TBX1: variants seen among roughly 807,000 people sequenced by gnomAD.
The protein encoded by TBX1 is T-box transcription factor 1, also known as T-box transcription factor TBX1.
TBX1 carries 16 observed loss-of-function variants against 40.8 expected under a neutral mutation model. That is an observed-to-expected ratio of 0.39 (90% CI 0.27 to 0.60). The LOEUF is 0.60. Among genes scored for constraint, TBX1 ranks in the 20% least tolerant of loss-of-function variants. The pLI is 0.51. For missense variants in TBX1, 755 were observed against 728.5 expected (o/e 1.04, Z -0.42); for synonymous variants, 403 against 336.8 (o/e 1.20, Z -2.15).
chr22:19,761,358 G>A (rs535470445), intron 1 of TBX1, 78 bp downstream of exon 1: 13 of 1,395,512 alleles, frequency 9.3e-6, no homozygotes, highest in Middle Eastern at 2.8e-4. Flanking sequence ...TGATCCGCGC[G>A]AGCGGGGCCG....
chr22:19,758,162 G>A (rs957334858), upstream of TBX1, among the ~76,000 whole-genome samples: 1 of 152,196 alleles, frequency 6.6e-6, no homozygotes, highest in Non-Finnish European at 1.5e-5. Flanking sequence ...CCAGCCCAGG[G>A]TCTGAGGTCC....
rs192025610 is a variant in TBX1, at chr22:19,776,320, C to T, written c.1010-2900C>T. ...GCTCCTCAGGAGGAAGACGTGTGGC[C>T]CCTTGCTCCAGGAAGGCCCAGTCCT... On this transcript the variant is annotated intron_variant, in intron 8 of 8. Coordinates refer to the TBX1 transcript ENST00000329705. 8.9e-4 allele frequency among the ~76,000 whole-genome samples: 136 copies of T among 152,246 alleles called. 1 individual carries two copies. The highest frequency in any genetic ancestry group is 3.2e-3 in the African/African-American group (131 of 41,538).
Position 19,764,940 on chromosome 22 carries a change from C to G in TBX1, c.712-18C>G. ...CCCAGCCCCACCGCTGGAGCTGATT[C>G]CCCACCTTGTCTTCCAGATTATTCT... On this transcript the variant is annotated intron_variant, in intron 3 of 6. Transcript: ENST00000649276. 1 of 1,613,876 alleles carries G rather than the reference C, an allele frequency of 6.2e-7. No homozygotes were observed.
At chr22:19,768,953 CTTTTTTTTTTTTTT>C (rs36085623), downstream of TBX1, among the ~76,000 whole-genome samples, 8 of 66,108 alleles carry the variant, frequency 1.2e-4, no homozygotes, top group African/African-American at 2.5e-4. Flanking sequence ...TGTTCGCATT[CTTTTTTTTTTTTTT>C]TTTTTTTTTT....
At chr22:19,778,112 G>T (rs1326138194) in intron 8 of TBX1, among the ~76,000 whole-genome samples, 1 of 151,812 alleles carries the variant, frequency 6.6e-6, no homozygotes, top group African/African-American at 2.4e-5. Flanking sequence ...CATTTCAAGA[G>T]ACAGGATCTT....
chr22:19,761,345 G>T (rs952550893), intron 1 of TBX1, 65 bp downstream of exon 1: 9 of 1,452,142 alleles, frequency 6.2e-6, no homozygotes, highest in South Asian at 1.3e-5. Context: ...GCGGGCCTCC[G>T]CCTGATCCGC....
chr22:19,771,470 A>G (rs977470444), downstream of TBX1, among the ~76,000 whole-genome samples: 1 of 152,260 alleles, frequency 6.6e-6, no homozygotes, highest in Non-Finnish European at 1.5e-5. Flanking sequence ...ATATTTTGCT[A>G]AAACCAGCCC....
At chr22:19,759,130 C>T (rs761260656), upstream of TBX1, among the ~76,000 whole-genome samples, 6 of 152,196 alleles carry the variant, frequency 3.9e-5, no homozygotes, top group African/African-American at 9.6e-5. Context: ...GACACCTCTC[C>T]TCGGGGGGCT....
chr22:19,758,613 G>A (rs1035932024), upstream of TBX1, among the ~76,000 whole-genome samples: 15 of 152,194 alleles, frequency 9.9e-5, no homozygotes, highest in Non-Finnish European at 8.8e-5. Flanking sequence ...CCAGTGGCCT[G>A]AAGTTCTCCA....
At chr22:19,757,288 G>T (rs1206167819), upstream of TBX1, among the ~76,000 whole-genome samples, 1 of 152,180 alleles carries the variant, frequency 6.6e-6, no homozygotes, top group Non-Finnish European at 1.5e-5. Flanking sequence ...CCTGCCTGCA[G>T]GTCCTGCTCA....
upstream of TBX1, among the ~76,000 whole-genome samples, chr22:19,758,437 G>A (rs1391672619): frequency 6.6e-6 from 1 of 152,218 alleles, no homozygotes; most frequent in African/African-American, 2.4e-5. Flanking sequence ...GGAGACAGTA[G>A]GTGGGGAAAC....
upstream of TBX1, among the ~76,000 whole-genome samples, chr22:19,758,459 G>A (rs1569015562): frequency 6.6e-6 from 1 of 152,238 alleles, no homozygotes; most frequent in Non-Finnish European, 1.5e-5. Flanking sequence ...CACAGGCCAA[G>A]TCAGGCCTTG....
intron 8 of TBX1, among the ~76,000 whole-genome samples, chr22:19,779,016 G>T (rs1017054433): frequency 1.3e-5 from 2 of 152,218 alleles, no homozygotes; most frequent in African/African-American, 4.8e-5. Flanking sequence ...CCTGTGCTGG[G>T]CTGAGGTGGG....
downstream of TBX1, among the ~76,000 whole-genome samples, chr22:19,771,747 A>G (rs1936993611): frequency 6.6e-6 from 1 of 152,240 alleles, no homozygotes; most frequent in Non-Finnish European, 1.5e-5. Flanking sequence ...CTGCATTTCA[A>G]CACCTCTGAA....
intron 5 of TBX1, 26 bp downstream of exon 5, chr22:19,765,851 A>T: frequency 6.3e-7 from 1 of 1,583,486 alleles, no homozygotes; most frequent in Non-Finnish European, 8.6e-7. Flanking sequence ...CGAGAGAGTG[A>T]GCGCCGGGCG....
upstream of TBX1, among the ~76,000 whole-genome samples, chr22:19,760,301 G>A (rs1052582494): frequency 1.3e-5 from 2 of 149,366 alleles, no homozygotes; most frequent in African/African-American, 4.9e-5. Flanking sequence ...GACAAAGAAT[G>A]ATTAAAAATA....
At chr22:19,765,211 C>T (rs1885502352) in intron 4 of TBX1, 98 bp downstream of exon 4, 10 of 1,572,922 alleles carry the variant, frequency 6.4e-6, no homozygotes, top group Non-Finnish European at 8.7e-6. Flanking sequence ...CCGCTTAGAC[C>T]TGCAGGCTGT....
chr22:19,782,995 G>C (rs751853455), downstream of TBX1: 2 of 1,196,020 alleles, frequency 1.7e-6, no homozygotes, highest in South Asian at 1.2e-5. Context: ...CTGAGTCCCT[G>C]AGACCACCAC....
upstream of TBX1, among the ~76,000 whole-genome samples, chr22:19,757,202 C>T (rs930908374): frequency 1.3e-5 from 2 of 152,160 alleles, no homozygotes; most frequent in African/African-American, 2.4e-5. Flanking sequence ...CACCTCTTCC[C>T]GTCGCCCTTC....
Sources: gnomAD v4.1 joint callset for allele counts (sites outside exome capture counted in the v4.1 genomes callset) on GRCh38, gnomAD v4.1.1 for gene constraint, MANE v1.5 for transcripts, NCBI Gene and HGNC (gene_info 2026-07-23, HGNC 2026-07-21) for gene names.